GRB10: variants seen among roughly 807,000 people sequenced by gnomAD.
GRB10 encodes the protein growth factor receptor bound protein 10.
A neutral mutation model predicts 80.9 loss-of-function variants in GRB10; 20 were observed. The observed-to-expected ratio is 0.25, with a 90% CI of 0.17 to 0.36. GRB10 has a LOEUF of 0.36. GRB10 is among the 10% of genes least tolerant of loss of function. The pLI is 1.00. For missense variants in GRB10, 548 were observed against 747.7 expected (o/e 0.73, Z 3.12); for synonymous variants, 291 against 291.5 (o/e 1.00, Z 0.02).
At chr7:50,672,114 G>A (rs2060423311) in intron 6 of GRB10, among the ~76,000 whole-genome samples, 1 of 152,206 alleles carries the variant, frequency 6.6e-6, no homozygotes, top group African/African-American at 2.4e-5. Context: ...TTTCCTATGT[G>A]CAAAGCCTTC....
rs560257873 is a variant in GRB10, at chr7:50,666,501, C to G, written c.504+3221G>C. ...TACAGGGCACTGAGCTTGTATCTTA[C>G]ATGTCTAGAAAGGAGACACACCAGA... On this transcript the variant is annotated intron_variant, in intron 7 of 18. Coordinates refer to ENST00000401949, the MANE Select transcript of GRB10 (RefSeq NM_001350814.2). 1.1e-4 allele frequency among the ~76,000 whole-genome samples: 16 copies of G among 152,284 alleles called. No homozygotes were observed. In the East Asian group the frequency reaches 3.1e-3, roughly 29 times the overall value.
chr7:50,643,553 T>C (rs1157020667), intron 7 of GRB10, among the ~76,000 whole-genome samples: 3 of 152,184 alleles, frequency 2.0e-5, no homozygotes, highest in African/African-American at 4.8e-5. Context: ...AAAGGATGTT[T>C]ATATGAACAA....
At chr7:50,615,365 C>T (rs1766603208) in intron 11 of GRB10, among the ~76,000 whole-genome samples, 1 of 152,230 alleles carries the variant, frequency 6.6e-6, no homozygotes, top group African/African-American at 2.4e-5. Flanking sequence ...AACTTCAGCA[C>T]ACACGAGGAC....
intron 4 of GRB10, among the ~76,000 whole-genome samples, chr7:50,707,287 G>A (rs558639634): frequency 2.6e-5 from 4 of 152,142 alleles, no homozygotes; most frequent in Admixed American, 2.6e-4. Context: ...AAAAGTAGTT[G>A]ATCAGTTCTA....
At chr7:50,614,436 G>T (rs740332) in intron 12 of GRB10, among the ~76,000 whole-genome samples, 15,034 of 152,054 alleles carry the variant, frequency 0.099, 1,683 homozygotes, top group African/African-American at 0.28. Context: ...ACAGGCTGGG[G>T]GTCCCCTCCC....
At position 50,669,810 on chromosome 7, in the gene GRB10, G is replaced by C; in HGVS notation, c.416C>G (p.Pro139Arg). Residue 139 changes from proline to arginine, a missense_variant, in exon 7 of 19, where the codon CCC (proline) becomes CGC (arginine). Coordinates refer to ENST00000401949, the MANE Select transcript of GRB10 (RefSeq NM_001350814.2). ...GCCACAGAGTTCAGGAAAAGGATTG[G>C]GGATGGCCGGCAGAGATGAGGTTCT... ...QFRTSSLPAI[P>R]NPFPELCGPG... is the part of the protein sequence containing the mutation. The C allele has an allele frequency of 6.2e-7, 1 of 1,613,964 alleles. No individual in the cohort carries two copies. Among genetic ancestry groups the C allele is most frequent in the Non-Finnish European group, 8.5e-7 (1 of 1,179,962 alleles).
intron 5 of GRB10, among the ~76,000 whole-genome samples, chr7:50,693,520 C>T (rs574129069): frequency 2.6e-5 from 4 of 152,126 alleles, no homozygotes; most frequent in African/African-American, 9.6e-5. Flanking sequence ...TGGAGAGGAC[C>T]CCTGAACTCC....
chr7:50,666,203 C>T (rs1036347338), intron 7 of GRB10, among the ~76,000 whole-genome samples: 1 of 152,214 alleles, frequency 6.6e-6, no homozygotes, highest in African/African-American at 2.4e-5. Flanking sequence ...TGCTTCCTCT[C>T]AGATAGCTCT....
chr7:50,746,057 T>C (rs748440006), intron 3 of GRB10, among the ~76,000 whole-genome samples: 7 of 151,998 alleles, frequency 4.6e-5, no homozygotes, highest in African/African-American at 1.5e-4. Flanking sequence ...CCACTGAGAG[T>C]AGGATGTGGC....
chr7:50,787,739 C>T (rs2078754002), upstream of GRB10, among the ~76,000 whole-genome samples: 1 of 152,196 alleles, frequency 6.6e-6, no homozygotes, highest in Admixed American at 6.5e-5. Context: ...GATCGCAGGC[C>T]AAGACACTCA....
chr7:50,637,876 A>G (rs1319034693), intron 7 of GRB10, among the ~76,000 whole-genome samples: 2 of 138,066 alleles, frequency 1.4e-5, no homozygotes, highest in African/African-American at 4.9e-5. Context: ...GAAATGGAAT[A>G]GAGAACACAG....
chr7:50,612,621 T>C (rs2049763675), intron 13 of GRB10, 120 bp downstream of exon 13: 2 of 727,776 alleles, frequency 2.7e-6, no homozygotes, highest in Non-Finnish European at 5.0e-6. Context: ...ATAAATAAAA[T>C]ATTGTGACAG....
chr7:50,763,075 G>GCA (rs2075938668), intron 2 of GRB10, among the ~76,000 whole-genome samples: 2 of 150,370 alleles, frequency 1.3e-5, no homozygotes, highest in Non-Finnish European at 2.9e-5. Flanking sequence ...CCGAGATCGT[G>GCA]CCACTGCACT....
intron 1 of GRB10, chr7:50,792,447 T>C (rs943174776): frequency 2.5e-6 from 1 of 398,544 alleles, no homozygotes. Context: ...GATACCCTAA[T>C]TTCCATAACG....
At chr7:50,604,109 G>A in intron 16 of GRB10, 24 bp from the exon 17 acceptor site, 1 of 1,588,860 alleles carries the variant, frequency 6.3e-7, no homozygotes. Flanking sequence ...ACAGGAGGAG[G>A]GTAGGATGGT....
At chr7:50,774,048 C>T (rs1218610852) in intron 2 of GRB10, among the ~76,000 whole-genome samples, 1 of 152,222 alleles carries the variant, frequency 6.6e-6, no homozygotes, top group East Asian at 1.9e-4. Context: ...AGTACTAATG[C>T]ATGCTACAAC....
At chr7:50,603,898 C>T in intron 17 of GRB10, 100 bp downstream of exon 17, 1 of 1,013,812 alleles carries the variant, frequency 9.9e-7, no homozygotes, top group Non-Finnish European at 1.6e-6. Context: ...GACAAAACTG[C>T]TGCCTGTCCA....
intron 5 of GRB10, among the ~76,000 whole-genome samples, chr7:50,693,437 C>G (rs1488984143): frequency 6.6e-6 from 1 of 152,142 alleles, no homozygotes; most frequent in Admixed American, 6.5e-5. Flanking sequence ...TGCCTATAAC[C>G]AGTATTTCTG....
intron 4 of GRB10, chr7:50,727,887 G>C (rs2068908692): frequency 6.6e-6 from 1 of 152,190 alleles, no homozygotes; most frequent in Non-Finnish European, 1.5e-5. Context: ...TTTTCACAAT[G>C]ACGCTGAAAA....
Sources: gnomAD v4.1 joint callset for allele counts (sites outside exome capture counted in the v4.1 genomes callset) on GRCh38, gnomAD v4.1.1 for gene constraint, MANE v1.5 for transcripts, NCBI Gene and HGNC (gene_info 2026-07-23, HGNC 2026-07-21) for gene names.